RAPGEF5: variants seen among roughly 807,000 people sequenced by gnomAD.
The protein encoded by RAPGEF5 is M-Ras-regulated GEF.
RAPGEF5 carries 65 observed loss-of-function variants against 125.2 expected under a neutral mutation model. The observed-to-expected ratio is 0.52, with a 90% CI of 0.43 to 0.64. RAPGEF5 has a LOEUF of 0.64. Among genes scored for constraint, RAPGEF5 ranks in the 30% least tolerant of loss-of-function variants. RAPGEF5 has a pLI of 0.00. For synonymous variants in RAPGEF5, 391 were observed against 385.9 expected, an observed-to-expected ratio of 1.01 and a Z score of -0.16; for missense variants, 958 against 1,048.1, an observed-to-expected ratio of 0.91 and a Z score of 1.19.
chr7:22,209,365 C>T (rs548953762), intron 9 of RAPGEF5, among the ~76,000 whole-genome samples: 69 of 152,314 alleles, frequency 4.5e-4, no homozygotes, highest in African/African-American at 1.5e-3. Flanking sequence ...TAATCACAAA[C>T]CTGTAGGTGT....
At chr7:22,143,492 A>T (rs1276081264) in intron 20 of RAPGEF5, among the ~76,000 whole-genome samples, 1 of 152,166 alleles carries the variant, frequency 6.6e-6, no homozygotes, top group East Asian at 1.9e-4. Context: ...AAGATCTTTT[A>T]CAATTTGGTC....
chr7:22,235,225 C>T lies in RAPGEF5; in HGVS notation c.797-4306G>A, dbSNP rs544389562. ...ATCTTTCACCTGTGTAGCATTTTTA[C>T]AGAGAGAAAACTCTTTCATTAAGGG... On this transcript the variant is annotated intron_variant, in intron 7 of 25. Transcript: ENST00000665637. Among the ~76,000 whole-genome samples the T allele has an allele frequency of 2.4e-4, 37 of 152,268 alleles. No individual in the cohort carries two copies. The South Asian group carries it at 7.5e-3, about 31-fold the overall frequency.
intron 1 of RAPGEF5, among the ~76,000 whole-genome samples, chr7:22,323,531 T>C (rs1026971437): frequency 4.6e-5 from 7 of 152,244 alleles, no homozygotes; most frequent in African/African-American, 1.4e-4. Flanking sequence ...CCTCCCTGGT[T>C]AATGCAATCA....
chr7:22,272,073 G>A (rs1782441017), intron 6 of RAPGEF5, among the ~76,000 whole-genome samples: 1 of 152,088 alleles, frequency 6.6e-6, no homozygotes, highest in African/African-American at 2.4e-5. Context: ...GCCGGGCGCG[G>A]TGGCTCATGC....
At chr7:22,208,563 C>G (rs1460564806) in intron 9 of RAPGEF5, among the ~76,000 whole-genome samples, 1 of 152,140 alleles carries the variant, frequency 6.6e-6, no homozygotes, top group African/African-American at 2.4e-5. Context: ...CCAGTGTGAC[C>G]AAAATCCCTG....
intron 7 of RAPGEF5, among the ~76,000 whole-genome samples, chr7:22,241,246 T>A (rs1388675771): frequency 6.6e-6 from 1 of 152,252 alleles, no homozygotes; most frequent in Non-Finnish European, 1.5e-5. Flanking sequence ...TAAGTTTTTT[T>A]GTTTCTGAAT....
At chr7:22,272,531 C>T (rs1409717826) in intron 6 of RAPGEF5, among the ~76,000 whole-genome samples, 1 of 151,900 alleles carries the variant, frequency 6.6e-6, no homozygotes, top group African/African-American at 2.4e-5. Flanking sequence ...ATCTTAGAAA[C>T]ATTTAAATTT....
At chr7:22,212,123 G>T (rs1055944900) in intron 9 of RAPGEF5, among the ~76,000 whole-genome samples, 1 of 151,978 alleles carries the variant, frequency 6.6e-6, no homozygotes, top group Non-Finnish European at 1.5e-5. Flanking sequence ...ATAGGCACCC[G>T]CCAGCATGCC....
chr7:22,263,023 T>C (rs1292324949), intron 7 of RAPGEF5, among the ~76,000 whole-genome samples: 1 of 152,190 alleles, frequency 6.6e-6, no homozygotes, highest in Non-Finnish European at 1.5e-5. Flanking sequence ...ACAACCTGAA[T>C]GAAGCTTCAG....
rs554413963 is a variant in RAPGEF5 at position 22,272,863 on chromosome 7, C to A, written c.748-5851G>T. 2.6e-3 allele frequency among the ~76,000 whole-genome samples: 398 copies of A among 152,046 alleles called. 6 individuals are homozygous for A. The highest frequency in any genetic ancestry group is 2.6e-3 in the Non-Finnish European group (174 of 67,976). ...CCTCTGCCTTCTGGGGTCAAGCAAT[C>A]CTCCCACCTCAGTCTCCTGAGTAGC... On this transcript the variant is annotated intron_variant, in intron 6 of 25. Transcript: ENST00000665637.
chr7:22,207,991 C>T (rs1469909782), intron 9 of RAPGEF5, among the ~76,000 whole-genome samples: 1 of 152,164 alleles, frequency 6.6e-6, no homozygotes, highest in Non-Finnish European at 1.5e-5. Context: ...CTCTTTCCTC[C>T]CATCTGGAAG....
rs1223689875 is a variant in RAPGEF5, at chr7:22,135,579, G to A, written c.2416+459C>T. 3.9e-5 allele frequency among the ~76,000 whole-genome samples: 6 copies of A among 152,130 alleles called. No homozygotes were observed. In the East Asian group the frequency reaches 5.8e-4, roughly 15 times the overall value. ...GTACACTTCTCCATCAACACTTTTC[G>A]AAAGCTATATTACTTGTATTGACCA... On this transcript the variant is annotated intron_variant, in intron 23 of 25. Transcript: ENST00000665637.
At position 22,219,830 on chromosome 7, in the gene RAPGEF5, C is replaced by G. The variant is rs778726823; in HGVS notation, c.996+36G>C. On this transcript the variant is annotated intron_variant, in intron 9 of 25. Transcript: ENST00000665637. Reference sequence around the variant, plus strand: ...AATCAGGCAAAAACATTTTCCACCCCTTCAAACCTGCATCCCCAAGAGGCA... The same window carrying G: ...AATCAGGCAAAAACATTTTCCACCCGTTCAAACCTGCATCCCCAAGAGGCA... 4.5e-6 allele frequency: 7 copies of G among 1,565,730 alleles called. No individual in the cohort carries two copies. In the East Asian group the frequency reaches 1.6e-4, roughly 36 times the overall value.
intron 3 of RAPGEF5, 55 bp downstream of exon 3, chr7:22,315,315 G>A: frequency 6.6e-7 from 1 of 1,516,864 alleles, no homozygotes; most frequent in Non-Finnish European, 8.9e-7. Context: ...TTAACACAGG[G>A]TGGTTTTTTT....
chr7:22,257,891 A>C, intron 7 of RAPGEF5, among the ~76,000 whole-genome samples: 1 of 152,212 alleles, frequency 6.6e-6, no homozygotes, highest in Non-Finnish European at 1.5e-5. Flanking sequence ...GTCAGGGGCA[A>C]AATAAGAATG....
At chr7:22,326,455 C>T (rs1422437745) in intron 1 of RAPGEF5, among the ~76,000 whole-genome samples, 1 of 152,168 alleles carries the variant, frequency 6.6e-6, no homozygotes, top group Non-Finnish European at 1.5e-5. Context: ...CCATCAAAGC[C>T]AAAAGTATTC....
chr7:22,308,022 A>G (rs11977139), intron 5 of RAPGEF5, among the ~76,000 whole-genome samples: 2,584 of 152,282 alleles, frequency 0.017, 69 homozygotes, highest in African/African-American at 0.059. Flanking sequence ...GATGGGAGTT[A>G]CTATTTTATT....
chr7:22,135,851 T>TA (rs1480657331), intron 23 of RAPGEF5, among the ~76,000 whole-genome samples, 187 bp downstream of exon 23: 2 of 152,116 alleles, frequency 1.3e-5, no homozygotes, highest in Non-Finnish European at 2.9e-5. Context: ...CAAACACAAT[T>TA]ACGTATTCTA....
At chr7:22,316,472 TATATATATATATA>T (rs1350127242) in intron 2 of RAPGEF5, among the ~76,000 whole-genome samples, 11 of 53,598 alleles carry the variant, frequency 2.1e-4, no homozygotes, top group African/African-American at 8.9e-4. Context: ...TATATATATA[TATATATATATATA>T]TATATTTTTT....
Sources: allele counts gnomAD v4.1 joint callset (sites outside exome capture counted in the v4.1 genomes callset), GRCh38; gene constraint gnomAD v4.1.1; transcripts MANE v1.5; gene names NCBI Gene and HGNC (gene_info 2026-07-23, HGNC 2026-07-21).